CBR4: variants seen among roughly 807,000 people sequenced by gnomAD.
CBR4 encodes the protein carbonyl reductase 4.
CBR4 carries 22 observed loss-of-function variants against 21.0 expected under a neutral mutation model. That is an observed-to-expected ratio of 1.05 (90% CI 0.75 to 1.50). The LOEUF (loss-of-function observed/expected upper bound fraction) is 1.50, where lower values mean the gene tolerates loss of function less well. CBR4 is among the 40% of genes most tolerant of loss of function. The probability of loss-of-function intolerance (pLI) is 0.00; values close to 1 mark genes in which losing one functional copy is unlikely to be tolerated. For missense variants in CBR4, 302 were observed against 286.3 expected (o/e 1.05, Z -0.40); for synonymous variants, 100 against 104.4 (o/e 0.96, Z 0.26).
At chr4:168,926,511 AAAT>A (rs28364802) in intron 2 of CBR4, 7 of 660,374 alleles carry the variant, frequency 1.1e-5, no homozygotes, top group Middle Eastern at 3.1e-4. Flanking sequence ...AAAAACACCA[AAAT>A]AATATTTTTC....
At chr4:168,986,352 C>T (rs538162939), downstream of CBR4, among the ~76,000 whole-genome samples, 45 of 152,308 alleles carry the variant, frequency 3.0e-4, no homozygotes, top group South Asian at 3.7e-3. Context: ...TTTAGTTCAA[C>T]AATCCTTGCC....
chr4:168,978,704 G>A lies in CBR4; in HGVS notation n.169+23367C>T, dbSNP rs547991435. On this transcript the variant is annotated intron_variant and non_coding_transcript_variant, in intron 2 of 3. Transcript: ENST00000509108. Reference sequence around the variant, plus strand: ...ATGGAGGGCCAAGGGTCTTGGAACCGTGAGCACTCCTGCACCAGCAGCTGT... The same window carrying A: ...ATGGAGGGCCAAGGGTCTTGGAACCATGAGCACTCCTGCACCAGCAGCTGT... Among the ~76,000 whole-genome samples, 262 of 152,280 alleles carry A rather than the reference G, an allele frequency of 1.7e-3. 3 individuals carry two copies. The highest frequency in any genetic ancestry group is 4.8e-3 in the East Asian group (25 of 5,188).
intron 2 of CBR4, among the ~76,000 whole-genome samples, chr4:168,932,578 TAA>T (rs1393255160): frequency 6.6e-6 from 1 of 152,172 alleles, no homozygotes; most frequent in Non-Finnish European, 1.5e-5. Context: ...CTAAGAAGCT[TAA>T]AGTCCCCAAA....
At position 169,010,226 on chromosome 4, in the gene CBR4, G is replaced by A. The variant is rs1017396639; in HGVS notation, c.-137C>T. On this transcript the variant is annotated 5_prime_UTR_variant, in exon 1 of 5. Transcript: ENST00000306193. ...GCAAACCGCAAAAAAAAATAACGCC[G>A]CTCGACACCTCCTGCAGCCGCACAA... The A allele has an allele frequency of 9.3e-6, 7 of 751,212 alleles. No individual in the cohort carries two copies. In the African/African-American group the frequency reaches 1.1e-4, roughly 12 times the overall value. 46.5% of individuals were successfully genotyped at this position (751,212 alleles called of 1,614,324 possible). A position where few individuals can be genotyped will look rare whatever the true frequency, so the allele number is the denominator to read the frequency against.
In CBR4 at chr4:168,990,160, A is replaced by G. The variant is rs755681122; in HGVS notation, c.704T>C (p.Leu235Pro). ...HVLVVDGGLQ[L>P]IL ...TGAATAATCTGCAAATTACAAAATG[A>G]GTTGTAATCCCCCATCCACTACCAG... The change falls in exon 5 of 5, where the codon CTC (leucine) becomes CCC (proline). Residue 235 changes from leucine to proline, a missense_variant. By Grantham distance (98) the Leu-to-Pro change is moderately conservative. Transcript: ENST00000306193. 1 of 1,594,252 alleles carries G rather than the reference A, an allele frequency of 6.3e-7. No individual in the cohort carries two copies. Among genetic ancestry groups the G allele is most frequent in the African/African-American group, 1.4e-5 (1 of 73,790 alleles).
intron 2 of CBR4, among the ~76,000 whole-genome samples, chr4:168,901,615 T>C (rs1189953774): frequency 2.6e-5 from 4 of 152,134 alleles, no homozygotes; most frequent in African/African-American, 9.7e-5. Context: ...CCCAGCACTT[T>C]GGGAGGCTGA....
chr4:168,995,428 A>C (rs967599331), intron 4 of CBR4, among the ~76,000 whole-genome samples: 2 of 152,168 alleles, frequency 1.3e-5, no homozygotes, highest in African/African-American at 4.8e-5. Context: ...AGATACTGGA[A>C]GGTCTCCAAG....
downstream of CBR4, among the ~76,000 whole-genome samples, chr4:168,985,582 T>C (rs1357573818): frequency 2.0e-5 from 3 of 152,210 alleles, no homozygotes; most frequent in Non-Finnish European, 1.5e-5. Flanking sequence ...TGAAGACTCA[T>C]GCCCTCATTG....
In CBR4 at chr4:168,950,453, G is replaced by A. The variant is rs566565042; in HGVS notation, n.169+51618C>T. Among the ~76,000 whole-genome samples, 156 of 152,314 alleles carry A rather than the reference G, an allele frequency of 1.0e-3. 1 individual carries two copies. Among genetic ancestry groups the A allele is most frequent in the African/African-American group, 3.7e-3 (154 of 41,566 alleles). On this transcript the variant is annotated intron_variant and non_coding_transcript_variant, in intron 2 of 3. Coordinates refer to the CBR4 transcript ENST00000509108. ...ACAGTTTTATTCCACTGTGGTCTGA[G>A]AGAGTGCTTGATATAATTTCAATTT...
intron 2 of CBR4, among the ~76,000 whole-genome samples, chr4:168,978,876 C>A (rs889818540): frequency 1.3e-5 from 2 of 152,132 alleles, no homozygotes; most frequent in African/African-American, 2.4e-5. Flanking sequence ...CCCAATGCAG[C>A]CACCCCACCC....
intron 4 of CBR4, among the ~76,000 whole-genome samples, chr4:168,992,546 T>C (rs577952336): frequency 1.3e-5 from 2 of 152,272 alleles, no homozygotes; most frequent in South Asian, 2.1e-4. Flanking sequence ...AATTATGCTA[T>C]AGAAGGATAC....
chr4:168,937,989 C>T (rs1763159699), intron 2 of CBR4, among the ~76,000 whole-genome samples: 1 of 152,168 alleles, frequency 6.6e-6, no homozygotes, highest in African/African-American at 2.4e-5. Context: ...GAACTCTCCA[C>T]CCCAAATCAA....
At chr4:168,970,243 T>C (rs1052503613) in intron 2 of CBR4, among the ~76,000 whole-genome samples, 2 of 152,162 alleles carry the variant, frequency 1.3e-5, no homozygotes, top group African/African-American at 4.8e-5. Context: ...TTTAATATAG[T>C]CAATTTGACC....
At chr4:168,897,194 A>C (rs1421605221) in intron 2 of CBR4, among the ~76,000 whole-genome samples, 1 of 152,152 alleles carries the variant, frequency 6.6e-6, no homozygotes, top group African/African-American at 2.4e-5. Context: ...AAAATTTTTC[A>C]TTTGTTATAT....
At chr4:168,925,176 A>C in intron 2 of CBR4, 1 of 1,575,038 alleles carries the variant, frequency 6.3e-7, no homozygotes, top group Non-Finnish European at 8.7e-7. Context: ...ATAAACAACT[A>C]TTGTGTTTTA....
At chr4:168,974,585 T>C (rs1387983641) in intron 2 of CBR4, among the ~76,000 whole-genome samples, 1 of 152,132 alleles carries the variant, frequency 6.6e-6, no homozygotes, top group Non-Finnish European at 1.5e-5. Context: ...CCCAAATTTC[T>C]TGGAGGCTTT....
rs575505080 is a variant in CBR4 at position 169,002,240 on chromosome 4, G to C, written c.401-35C>G. ...AAAAAAAAAAAAAAAAAAAAAAAGC[G>C]TATTAAATTCAATTAATGGGGTTAC... On this transcript the variant is annotated intron_variant, in intron 3 of 4. Transcript: ENST00000306193. 12 of 1,256,910 alleles carry C rather than the reference G, an allele frequency of 9.5e-6. No individual in the cohort carries two copies. In the Admixed American group the frequency reaches 1.5e-4, roughly 16 times the overall value. 77.9% of individuals were successfully genotyped at this position (1,256,910 alleles called of 1,614,324 possible).
At chr4:168,903,645 T>G (rs1249983011) in intron 2 of CBR4, 1 of 873,034 alleles carries the variant, frequency 1.1e-6, no homozygotes, top group African/African-American at 1.6e-5. Flanking sequence ...TTTAACATTT[T>G]AACATGAAAA....
Position 169,010,177 on chromosome 4 carries a change from A to C in CBR4, c.-88T>G. 3.9e-6 allele frequency: 1 copy of C among 259,026 alleles called. No individual in the cohort carries two copies. Among genetic ancestry groups the C allele is most frequent in the South Asian group, 9.2e-5 (1 of 10,826 alleles). The allele number at this position is 259,026 out of a possible 1,614,324, so 16.0% of individuals were successfully genotyped here. ...AGGCTTTTAAACAACCGCGGTTCCA[A>C]AAAAAAAAAAAAGAAAAAAAAAGGC... On this transcript the variant is annotated 5_prime_UTR_variant, in exon 1 of 5. Transcript: ENST00000306193.
Sources: gnomAD v4.1 joint callset for allele counts (sites outside exome capture counted in the v4.1 genomes callset) on GRCh38, gnomAD v4.1.1 for gene constraint, MANE v1.5 for transcripts, NCBI Gene and HGNC (gene_info 2026-07-23, HGNC 2026-07-21) for gene names.